The following DIP2C variants were observed in gnomAD, a reference collection of about 807,000 sequenced individuals.
DIP2C encodes the protein disco-interacting protein 2 homolog C.
Under a neutral mutation model 192.4 loss-of-function variants are expected in DIP2C, and 33 were observed. The observed-to-expected ratio is 0.17, with a 90% confidence interval of 0.13 to 0.23. The LOEUF is 0.23. Among genes scored for constraint, DIP2C ranks in the 10% least tolerant of loss-of-function variants. DIP2C has a pLI of 1.00. For synonymous variants in DIP2C, 979 were observed against 864.1 expected, an observed-to-expected ratio of 1.13 and a Z score of -2.33; for missense variants, 1,537 against 2,110.1, an observed-to-expected ratio of 0.73 and a Z score of 5.32.
chr10:298,392 T>G (rs1027515283), intron 32 of DIP2C, among the ~76,000 whole-genome samples: 2 of 152,222 alleles, frequency 1.3e-5, no homozygotes, highest in Non-Finnish European at 2.9e-5. Context: ...AAAGCCCCCC[T>G]GCTCATCACT....
intron 29 of DIP2C, among the ~76,000 whole-genome samples, chr10:337,050 GT>G (rs1957831194): frequency 3.1e-4 from 2 of 6,500 alleles, no homozygotes; most frequent in African/African-American, 1.0e-3. Context: ...GCCTAGACTG[GT>G]GTGTGTGTGT....
intron 1 of DIP2C, among the ~76,000 whole-genome samples, chr10:621,260 A>T (rs1157819575): frequency 6.6e-6 from 1 of 151,804 alleles, no homozygotes; most frequent in Non-Finnish European, 1.5e-5. Context: ...CAATATGAGC[A>T]CACACCCCCA....
At chr10:291,976 C>G (rs531502098) in intron 32 of DIP2C, among the ~76,000 whole-genome samples, 1 of 152,134 alleles carries the variant, frequency 6.6e-6, no homozygotes, top group African/African-American at 2.4e-5. Context: ...CCCTCTCCTG[C>G]GGGAAGTGTG....
chr10:553,974 G>T (rs1564843430), intron 1 of DIP2C, among the ~76,000 whole-genome samples: 1 of 150,804 alleles, frequency 6.6e-6, no homozygotes, highest in Non-Finnish European at 1.5e-5. Context: ...GTATACGCTT[G>T]TAACTGTAAG....
chr10:444,722 T>C (rs1159544737), intron 3 of DIP2C, among the ~76,000 whole-genome samples: 1 of 152,264 alleles, frequency 6.6e-6, no homozygotes, highest in Non-Finnish European at 1.5e-5. Context: ...AATTCAAGGC[T>C]CCTGGAACTC....
intron 1 of DIP2C, among the ~76,000 whole-genome samples, chr10:551,840 C>T (rs766678900): frequency 9.8e-5 from 15 of 152,316 alleles, no homozygotes; most frequent in South Asian, 2.1e-4. Flanking sequence ...CTTTGAAATG[C>T]GGCTGTGGAC....
chr10:498,596 C>T (rs73577743), intron 1 of DIP2C, among the ~76,000 whole-genome samples: 200 of 152,334 alleles, frequency 1.3e-3, no homozygotes, highest in African/African-American at 4.6e-3. Flanking sequence ...CAAGGGATGA[C>T]TGACTTCCAT....
At chr10:308,853 C>G (rs1956449104) in intron 32 of DIP2C, among the ~76,000 whole-genome samples, 1 of 152,204 alleles carries the variant, frequency 6.6e-6, no homozygotes, top group Non-Finnish European at 1.5e-5. Flanking sequence ...GGGCGTGGCT[C>G]CTGGCCCTGG....
intron 5 of DIP2C, among the ~76,000 whole-genome samples, chr10:420,094 G>A (rs563329671): frequency 8.5e-5 from 13 of 152,334 alleles, no homozygotes; most frequent in African/African-American, 1.7e-4. Context: ...ACTGTCCCAC[G>A]CAACAGAAGG....
At chr10:592,247 G>C (rs916116243) in intron 1 of DIP2C, among the ~76,000 whole-genome samples, 1 of 152,230 alleles carries the variant, frequency 6.6e-6, no homozygotes, top group African/African-American at 2.4e-5. Flanking sequence ...TTCAACTGAA[G>C]AAAATGGTTC....
intron 1 of DIP2C, among the ~76,000 whole-genome samples, chr10:494,186 C>T (rs1844649529): frequency 6.6e-6 from 1 of 152,178 alleles, no homozygotes; most frequent in Non-Finnish European, 1.5e-5. Flanking sequence ...AAGAGAACTG[C>T]TAAGGCTATC....
chr10:313,502 CTTG>C (rs1285926491), intron 31 of DIP2C, among the ~76,000 whole-genome samples: 9 of 151,944 alleles, frequency 5.9e-5, no homozygotes, highest in Non-Finnish European at 8.8e-5. Flanking sequence ...CAGGCACAGA[CTTG>C]TTGTCATAAT....
intron 1 of DIP2C, among the ~76,000 whole-genome samples, chr10:671,140 CCTGTGTGTCA>C (rs1443860811): frequency 4.6e-5 from 7 of 152,266 alleles, no homozygotes; most frequent in Non-Finnish European, 1.0e-4. Context: ...AGCGTGTGTC[CCTGTGTGTCA>C]CGCAAACCCC....
intron 9 of DIP2C, 32 bp from the exon 10 acceptor site, chr10:399,251 A>C (rs751226811): frequency 1.9e-6 from 3 of 1,586,294 alleles, no homozygotes; most frequent in Non-Finnish European, 2.6e-6. Flanking sequence ...GTCAGCATTA[A>C]CGTGGGGTCC....
At chr10:643,578 T>A (rs1855311213) in intron 1 of DIP2C, among the ~76,000 whole-genome samples, 1 of 152,048 alleles carries the variant, frequency 6.6e-6, no homozygotes, top group South Asian at 2.1e-4. Flanking sequence ...CCAGTCCACG[T>A]CACCTGTGCT....
chr10:524,679 G>A (rs1232172203), intron 1 of DIP2C, among the ~76,000 whole-genome samples: 1 of 152,112 alleles, frequency 6.6e-6, no homozygotes, highest in Non-Finnish European at 1.5e-5. Context: ...AACAAAGAAT[G>A]CATTGCACTC....
intron 1 of DIP2C, among the ~76,000 whole-genome samples, chr10:596,247 C>T (rs1252161499): frequency 1.3e-5 from 2 of 152,114 alleles, no homozygotes; most frequent in African/African-American, 4.8e-5. Flanking sequence ...CGGTGGCTCA[C>T]GCCTGTAATC....
chr10:414,739 G>GTGTGTGTGTGTATATATATATATATA, intron 7 of DIP2C, among the ~76,000 whole-genome samples: 2 of 90,536 alleles, frequency 2.2e-5, no homozygotes, highest in Non-Finnish European at 4.3e-5. Context: ...GTGTGTGTGT[G>GTGTGTGTGTGTATATATATATATATA]TACATATATA....
intron 14 of DIP2C, among the ~76,000 whole-genome samples, chr10:385,494 G>A (rs1476414075): frequency 6.6e-6 from 1 of 152,208 alleles, no homozygotes; most frequent in South Asian, 2.1e-4. Context: ...TTCCCGGTGT[G>A]TTATGCTAAC....
Sources: gnomAD v4.1 joint callset for allele counts (sites outside exome capture counted in the v4.1 genomes callset) on GRCh38, gnomAD v4.1.1 for gene constraint, MANE v1.5 for transcripts, NCBI Gene and HGNC (gene_info 2026-07-23, HGNC 2026-07-21) for gene names.